Variants in SHROOM3 observed in about 807,000 individuals in gnomAD.
SHROOM3 encodes protein Shroom3.
In SHROOM3, 47 loss-of-function variants were observed where a neutral mutation model predicts 138.6. That is an observed-to-expected ratio of 0.34 (90% CI 0.27 to 0.43). The LOEUF is 0.43. SHROOM3 is among the 20% of genes least tolerant of loss of function. SHROOM3 has a pLI of 1.00. For synonymous variants in SHROOM3, 1,062 were observed against 1,063.3 expected, an observed-to-expected ratio of 1.00 and a Z score of 0.02; for missense variants, 2,491 against 2,596.5, an observed-to-expected ratio of 0.96 and a Z score of 0.88.
chr4:76,643,420 G>A (rs562858168), intron 2 of SHROOM3, among the ~76,000 whole-genome samples: 1 of 152,186 alleles, frequency 6.6e-6, no homozygotes, highest in Non-Finnish European at 1.5e-5. Context: ...ATAAGACAGA[G>A]AGACAGGATT....
Position 76,738,953 on chromosome 4 carries a change from C to T in SHROOM3, c.780C>T (p.Tyr260=). The T allele has an allele frequency of 6.2e-7, 1 of 1,614,250 alleles. No homozygotes were observed. Among genetic ancestry groups the T allele is most frequent in the Non-Finnish European group, 8.5e-7 (1 of 1,180,040 alleles). The change falls in exon 5 of 11, where the codon TAC becomes TAT. Residue 260 remains tyrosine (Y), a synonymous_variant. Transcript: ENST00000296043. ...SHFHNKRDSA[Y]SSFSTSSSIL... ...TCCATAACAAGAGAGACTCGGCTTA[C>T]AGCTCTTTCTCCACCAGTTCTAGCA...
At chr4:76,557,105 A>G (rs945720300) in intron 2 of SHROOM3, among the ~76,000 whole-genome samples, 4 of 152,128 alleles carry the variant, frequency 2.6e-5, no homozygotes, top group African/African-American at 4.8e-5. Context: ...AAAATTCAAT[A>G]TCCTCATCTT....
intron 1 of SHROOM3, among the ~76,000 whole-genome samples, chr4:76,455,996 CACTTT>C (rs1311041908): frequency 6.6e-6 from 1 of 151,944 alleles, no homozygotes; most frequent in Non-Finnish European, 1.5e-5. Flanking sequence ...TCCTTTTGTA[CACTTT>C]ACTTTTTATT....
chr4:76,685,585 T>A (rs956768207), intron 2 of SHROOM3, among the ~76,000 whole-genome samples: 4 of 152,236 alleles, frequency 2.6e-5, no homozygotes, highest in African/African-American at 9.6e-5. Flanking sequence ...TTCAAATAAT[T>A]GTTTTTCACA....
rs889062634 is a variant in SHROOM3 at position 76,580,457 on chromosome 4, T to C, written c.323+24694T>C. On this transcript the variant is annotated intron_variant, in intron 2 of 10. Coordinates refer to ENST00000296043, the MANE Select transcript of SHROOM3 (RefSeq NM_020859.4). ...ACCTTGGGCAAGTTCTTTTTTTTTT[T>C]TTTTTTTTTTTTGAGATGGAGTTTC... 2.3e-3 allele frequency among the ~76,000 whole-genome samples: 341 copies of C among 149,702 alleles called. 1 individual carries two copies. The highest frequency in any genetic ancestry group is 7.7e-3 in the African/African-American group (314 of 40,618).
chr4:76,741,552 G>T lies in SHROOM3; in HGVS notation c.3379G>T (p.Ala1127Ser), dbSNP rs1254931579. The T allele has an allele frequency of 7.1e-6, 11 of 1,546,682 alleles. No individual in the cohort carries two copies. Among genetic ancestry groups the T allele is most frequent in the Non-Finnish European group, 9.5e-6 (11 of 1,152,616 alleles). Residue 1127 changes from alanine to serine, a missense_variant, in exon 5 of 11, where the codon GCG becomes TCG. Coordinates refer to ENST00000296043, the MANE Select transcript of SHROOM3 (RefSeq NM_020859.4). This position sits in a 1 kb window ranked among gnomAD's most constrained non-coding sequence, Gnocchi z 6.2. ...QSAYLQPGPA[A>S]LEGSGLASAS... ...TGCCTACCTCCAGCCCGGCCCCGCG[G>T]CGCTCGAAGGCTCCGGCCTCGCCTC... is the stretch of plus-strand genomic sequence containing the variant.
chr4:76,541,677 C>T (rs1485151033), intron 1 of SHROOM3, among the ~76,000 whole-genome samples: 3 of 151,728 alleles, frequency 2.0e-5, no homozygotes, highest in Admixed American at 6.6e-5. Flanking sequence ...TTGCCCTTGT[C>T]ACAGAATAGG....
At chr4:76,525,586 C>T (rs188928565) in intron 1 of SHROOM3, among the ~76,000 whole-genome samples, 17 of 152,282 alleles carry the variant, frequency 1.1e-4, no homozygotes, top group African/African-American at 3.9e-4. Flanking sequence ...AACATCATTT[C>T]ATGCACTTAT....
intron 1 of SHROOM3, among the ~76,000 whole-genome samples, chr4:76,493,683 G>A (rs1420865168): frequency 6.6e-6 from 1 of 152,154 alleles, no homozygotes; most frequent in African/African-American, 2.4e-5. Context: ...TAGCTTTAAC[G>A]TAAAGTGAAA....
chr4:76,615,195 C>T, intron 2 of SHROOM3, among the ~76,000 whole-genome samples: 1 of 152,150 alleles, frequency 6.6e-6, no homozygotes, highest in East Asian at 1.9e-4. Flanking sequence ...AACATTTTTC[C>T]CCTTTTCCCA....
At chr4:76,606,170 C>T (rs1319303570) in intron 2 of SHROOM3, among the ~76,000 whole-genome samples, 3 of 149,890 alleles carry the variant, frequency 2.0e-5, no homozygotes, top group Admixed American at 6.6e-5. Flanking sequence ...CCTGCCACCA[C>T]GCCTAGCTAA....
At chr4:76,560,548 A>T (rs1005121166) in intron 2 of SHROOM3, among the ~76,000 whole-genome samples, 1 of 152,198 alleles carries the variant, frequency 6.6e-6, no homozygotes, top group Non-Finnish European at 1.5e-5. Flanking sequence ...AACCTTCTGC[A>T]TTAAGGTGCT....
intron 1 of SHROOM3, among the ~76,000 whole-genome samples, chr4:76,474,895 C>T (rs1731451502): frequency 6.6e-6 from 1 of 151,874 alleles, no homozygotes; most frequent in Admixed American, 6.6e-5. Context: ...CCACTGCACT[C>T]CTGCCTGGGT....
intron 2 of SHROOM3, among the ~76,000 whole-genome samples, chr4:76,604,149 G>A (rs140574974): frequency 3.3e-4 from 51 of 152,268 alleles, no homozygotes; most frequent in African/African-American, 1.2e-3. Flanking sequence ...TAAGCCTGTA[G>A]AGCATCTCAG....
rs759832746 is a variant in SHROOM3, at chr4:76,770,884, A to G, written c.5608A>G (p.Ser1870Gly). The part of the protein sequence containing the change: ...NVLSGLGEDA[S>G]NEERSSLYEK... ...CCTTAGCGGCCTTGGTGAAGATGCCAGTAATGAAGAAAGGGTAGGTGGCCT... is the reference window on the plus strand; with the variant it reads ...CCTTAGCGGCCTTGGTGAAGATGCCGGTAATGAAGAAAGGGTAGGTGGCCT... Residue 1870 changes from serine (S) to glycine (G), a missense_variant, in exon 10 of 11, where the codon AGT becomes GGT. By Grantham distance (56) the Ser-to-Gly change is moderately conservative. Transcript: ENST00000296043. The G allele has an allele frequency of 3.7e-6, 6 of 1,614,154 alleles. No individual in the cohort carries two copies. Among genetic ancestry groups the G allele is most frequent in the Non-Finnish European group, 4.2e-6 (5 of 1,180,064 alleles).
intron 1 of SHROOM3, among the ~76,000 whole-genome samples, chr4:76,515,380 T>C (rs1579205995): frequency 6.6e-6 from 1 of 150,916 alleles, no homozygotes; most frequent in Admixed American, 6.6e-5. Context: ...AATGAGAACT[T>C]GTCTGAAAAA....
intron 2 of SHROOM3, among the ~76,000 whole-genome samples, chr4:76,637,931 T>C (rs1467427621): frequency 6.6e-6 from 1 of 152,158 alleles, no homozygotes; most frequent in Non-Finnish European, 1.5e-5. Flanking sequence ...CAGGGTTTAA[T>C]GACTCAATTC....
intron 2 of SHROOM3, among the ~76,000 whole-genome samples, chr4:76,657,701 T>C (rs1409941062): frequency 6.6e-6 from 1 of 152,200 alleles, no homozygotes; most frequent in Non-Finnish European, 1.5e-5. Flanking sequence ...TGACCTGTTA[T>C]GCTAATTATA....
Position 76,755,125 on chromosome 4 carries a change from C to T in SHROOM3, c.4642C>T (p.Pro1548Ser), listed in dbSNP as rs1353366928. Residue 1548 changes from proline (P) to serine (S), a missense_variant, in exon 7 of 11, where the codon CCA (proline) becomes TCA (serine). By Grantham distance (74) the Pro-to-Ser change is moderately conservative. Around this residue, in one of 4 missense-constraint regions of SHROOM3, gnomAD observed 470 missense variants for 595.0 expected, o/e 0.79. Coordinates refer to ENST00000296043, the MANE Select transcript of SHROOM3 (RefSeq NM_020859.4). Reference sequence around the variant, plus strand: ...GGTGTATAGCATGGATGACTTCCCTCCACCTCCTCCCCACACTGTATGTGA... The same window carrying T: ...GGTGTATAGCATGGATGACTTCCCTTCACCTCCTCCCCACACTGTATGTGA... Reference protein sequence around the residue: ...TPVYSMDDFPPPPPHTVCEAQ... With the variant: ...TPVYSMDDFPSPPPHTVCEAQ... The T allele has an allele frequency of 6.2e-7, 1 of 1,609,494 alleles. No individual in the cohort carries two copies. Among genetic ancestry groups the T allele is most frequent in the Non-Finnish European group, 8.5e-7 (1 of 1,177,280 alleles).
Sources: gnomAD v4.1 joint callset for allele counts (sites outside exome capture counted in the v4.1 genomes callset) on GRCh38, gnomAD v4.1.1 for gene constraint, gnomAD v4.1.1 regional missense constraint, Gnocchi (gnomAD v3.1) non-coding constraint, MANE v1.5 for transcripts, NCBI Gene and HGNC (gene_info 2026-07-23, HGNC 2026-07-21) for gene names.